Variants in SLC17A1 observed in about 807,000 individuals in gnomAD.
SLC17A1 encodes the protein sodium-dependent phosphate transport protein 1.
A neutral mutation model predicts 53.5 loss-of-function variants in SLC17A1; 51 were observed. That is an observed-to-expected ratio of 0.95 (90% CI 0.76 to 1.20). The LOEUF (loss-of-function observed/expected upper bound fraction) is 1.20, where lower values mean the gene tolerates loss of function less well. Among genes scored for constraint, SLC17A1 ranks in the 50% most tolerant of loss-of-function variants. The pLI is 0.00. For synonymous variants in SLC17A1, 179 were observed against 198.8 expected, an observed-to-expected ratio of 0.90 and a Z score of 0.84; for missense variants, 538 against 568.2, an observed-to-expected ratio of 0.95 and a Z score of 0.54.
chr6:25,768,393 A>T, the SLC17A1 span: 5 of 987,558 alleles, frequency 5.1e-6, no homozygotes, highest in Non-Finnish European at 6.0e-6. Context: ...ACTCAACCAC[A>T]GGGATATCCC....
At position 25,783,066 on chromosome 6, in the gene SLC17A1, G is replaced by A. The variant is rs1763300970; in HGVS notation, c.*155C>T. 1 of 152,126 alleles carries A rather than the reference G, an allele frequency of 6.6e-6. No individual in the cohort carries two copies. The allele number at this position is 152,126 out of a possible 1,614,324, so 9.4% of individuals were successfully genotyped here. The stretch of plus-strand genomic sequence containing the variant: ...CACATGTTAAAAAACGATGCACACA[G>A]GATATGTGGGAGGGTAAAACTGGCC... On this transcript the variant is annotated 3_prime_UTR_variant, in exon 13 of 13. Transcript: ENST00000244527.
At chr6:25,800,804 C>G in intron 11 of SLC17A1, 86 bp downstream of exon 11, 1 of 829,100 alleles carries the variant, frequency 1.2e-6, no homozygotes, top group Non-Finnish European at 2.0e-6. Context: ...CTCCTTCTGG[C>G]ATCTTCTCTG....
chr6:25,726,391 G>A, the SLC17A1 span: 9 of 1,614,026 alleles, frequency 5.6e-6, no homozygotes, highest in African/African-American at 2.7e-5. Flanking sequence ...TGGTGCGCCT[G>A]CCCCTATCCG....
At chr6:25,816,728 T>C (rs1201266930) in intron 6 of SLC17A1, among the ~76,000 whole-genome samples, 1 of 152,210 alleles carries the variant, frequency 6.6e-6, no homozygotes, top group Non-Finnish European at 1.5e-5. Flanking sequence ...ATGATTTCAA[T>C]GGTCAAAGGG....
chr6:25,819,398 T>G, intron 5 of SLC17A1, 113 bp downstream of exon 5: 1 of 885,244 alleles, frequency 1.1e-6, no homozygotes, highest in South Asian at 1.6e-5. Context: ...CTGAAACAGA[T>G]GATTTCCAAA....
chr6:25,757,328 C>T, the SLC17A1 span, among the ~76,000 whole-genome samples: 2 of 152,054 alleles, frequency 1.3e-5, no homozygotes, highest in Non-Finnish European at 2.9e-5. Flanking sequence ...TTTCATTTCA[C>T]CAGCACCTAC....
At chr6:25,789,963 AC>A (rs1401552117) in intron 12 of SLC17A1, among the ~76,000 whole-genome samples, 1 of 152,112 alleles carries the variant, frequency 6.6e-6, no homozygotes, top group Non-Finnish European at 1.5e-5. Context: ...TTTGCAGGAT[AC>A]CCTAAAGTGT....
chr6:25,753,739 A>G, the SLC17A1 span, among the ~76,000 whole-genome samples: 1 of 152,052 alleles, frequency 6.6e-6, no homozygotes, highest in South Asian at 2.1e-4. Flanking sequence ...AGGGAGATTC[A>G]GTTCTGCTTG....
In SLC17A1 at chr6:25,811,686, T is replaced by C. The variant is rs756642267; in HGVS notation, c.982A>G (p.Arg328Gly). 21 of 1,613,820 alleles carry C rather than the reference T, an allele frequency of 1.3e-5. 1 individual carries two copies. In the South Asian group the frequency reaches 2.3e-4, roughly 18 times the overall value. Residue 328 changes from arginine (R) to glycine (G), a missense_variant, in exon 9 of 13, where the codon AGG becomes GGG. Physicochemically the swap from Arg to Gly is moderately radical, Grantham distance 125 (BLOSUM62 -2). Coordinates refer to ENST00000244527, the MANE Select transcript of SLC17A1 (RefSeq NM_005074.5). Reference protein sequence around the residue: ...AGQLSDFFLTRNILSVIAVRK... With the variant: ...AGQLSDFFLTGNILSVIAVRK... ...ACAGCAATTACGCTGAGAATATTCC[T>C]GGTCAGGAAGAAGTCTGATAACTGA...
chr6:25,768,459 G>A, the SLC17A1 span: 4 of 869,402 alleles, frequency 4.6e-6, no homozygotes, highest in African/African-American at 7.3e-5. Context: ...ATAGTATTAA[G>A]ATGAAGTTTA....
the SLC17A1 span, among the ~76,000 whole-genome samples, chr6:25,739,123 C>A: frequency 1.3e-5 from 2 of 152,140 alleles, no homozygotes; most frequent in African/African-American, 4.8e-5. Context: ...CTTAAACAAA[C>A]AAACAAACAA....
chr6:25,800,941 T>G lies in SLC17A1; in HGVS notation c.1218A>C (p.Gly406=). The change falls in exon 11 of 13, where the codon GGA becomes GGC. Residue 406 remains glycine (G), a synonymous_variant. Transcript: ENST00000244527. ...GFIKACSTLT[G]MIGGLIASTL... ...TGGAAGCAATTAGTCCTCCTATCAT[T>G]CCAGTTAAAGTTGAACATGCTTTAA... 1 of 1,610,202 alleles carries G rather than the reference T, an allele frequency of 6.2e-7. No homozygotes were observed.
At chr6:25,764,810 C>G in the SLC17A1 span, among the ~76,000 whole-genome samples, 3 of 152,218 alleles carry the variant, frequency 2.0e-5, no homozygotes, top group Admixed American at 6.5e-5. Flanking sequence ...CCTTTCTGAT[C>G]TGCAATTTAG....
At chr6:25,801,788 T>G (rs1223641863) in intron 10 of SLC17A1, among the ~76,000 whole-genome samples, 1 of 152,208 alleles carries the variant, frequency 6.6e-6, no homozygotes, top group Non-Finnish European at 1.5e-5. Context: ...AGGAGGTGCC[T>G]GTTTTGTTTA....
chr6:25,815,654 C>G (rs1050631834), intron 6 of SLC17A1, among the ~76,000 whole-genome samples: 3 of 152,116 alleles, frequency 2.0e-5, no homozygotes, highest in African/African-American at 7.2e-5. Flanking sequence ...TCCTCCAGAG[C>G]TGACAGTCAA....
At chr6:25,733,348 C>A in the SLC17A1 span, among the ~76,000 whole-genome samples, 2 of 152,142 alleles carry the variant, frequency 1.3e-5, no homozygotes, top group Non-Finnish European at 2.9e-5. Flanking sequence ...GATTTGTAAA[C>A]TTGCAGCTTT....
In SLC17A1 at chr6:25,819,563, G is replaced by A. The variant is rs374512806; in HGVS notation, c.477C>T (p.Val159=). Residue 159 remains valine (V), a synonymous_variant, in exon 5 of 13, where the codon GTC becomes GTT. Coordinates refer to ENST00000244527, the MANE Select transcript of SLC17A1 (RefSeq NM_005074.5). The part of the protein sequence containing the change: ...IVATAQFEIY[V]KWAPPLERGR... ...CTCGTTCCAGGGGAGGAGCCCATTT[G>A]ACATATATTTCAAACTGGGCTGTTG... 5.6e-6 allele frequency: 9 copies of A among 1,614,114 alleles called. No homozygotes were observed. In the East Asian group the frequency reaches 8.9e-5, roughly 16 times the overall value.
chr6:25,725,703 C>A, the SLC17A1 span, among the ~76,000 whole-genome samples: 1 of 152,110 alleles, frequency 6.6e-6, no homozygotes, highest in East Asian at 1.9e-4. Flanking sequence ...GACTCATGAA[C>A]AACCCTCCCA....
At chr6:25,827,441 A>G (rs1411862613) in intron 2 of SLC17A1, among the ~76,000 whole-genome samples, 2 of 152,212 alleles carry the variant, frequency 1.3e-5, no homozygotes, top group Admixed American at 6.5e-5. Flanking sequence ...ATGAATTTCA[A>G]CAAAAACATG....
Sources: allele counts gnomAD v4.1 joint callset (sites outside exome capture counted in the v4.1 genomes callset), GRCh38; gene constraint gnomAD v4.1.1; transcripts MANE v1.5; gene names NCBI Gene and HGNC (gene_info 2026-07-23, HGNC 2026-07-21).